COL5A2: variants seen among roughly 807,000 people sequenced by gnomAD.
COL5A2 encodes collagen type V alpha 2 chain, also known as collagen alpha-2(V) chain.
A neutral mutation model predicts 208.2 loss-of-function variants in COL5A2; 23 were observed. That is an observed-to-expected ratio of 0.11 (90% CI 0.08 to 0.16). The LOEUF (loss-of-function observed/expected upper bound fraction) is 0.16. Among genes scored for constraint, COL5A2 ranks in the 10% least tolerant of loss-of-function variants. COL5A2 has a pLI of 1.00. For synonymous variants in COL5A2, 625 were observed against 628.5 expected, an observed-to-expected ratio of 0.99 and a Z score of 0.08; for missense variants, 1,590 against 1,956.4, an observed-to-expected ratio of 0.81 and a Z score of 3.53.
At chr2:189,392,270 T>A in the COL5A2 span, among the ~76,000 whole-genome samples, 1 of 152,126 alleles carries the variant, frequency 6.6e-6, no homozygotes, top group East Asian at 1.9e-4. Flanking sequence ...ACAATGTTGT[T>A]AATAGATTTT....
At chr2:189,259,312 G>C in the COL5A2 span, among the ~76,000 whole-genome samples, 2 of 152,168 alleles carry the variant, frequency 1.3e-5, no homozygotes, top group Non-Finnish European at 2.9e-5. Context: ...CATTTATAGA[G>C]TCTTATAGTA....
the COL5A2 span, among the ~76,000 whole-genome samples, chr2:189,261,566 A>ATTC: frequency 1.3e-5 from 2 of 152,192 alleles, no homozygotes; most frequent in African/African-American, 4.8e-5. Context: ...TATGAATCAG[A>ATTC]TGTCTGTTAG....
At chr2:189,060,263 T>G (rs1685999104) in intron 31 of COL5A2, among the ~76,000 whole-genome samples, 1 of 152,134 alleles carries the variant, frequency 6.6e-6, no homozygotes, top group South Asian at 2.1e-4. Context: ...TACTATACTG[T>G]AAGGACAGCA....
intron 50 of COL5A2, among the ~76,000 whole-genome samples, chr2:189,041,031 T>A (rs987782359): frequency 2.0e-5 from 3 of 152,164 alleles, no homozygotes; most frequent in African/African-American, 4.8e-5. Context: ...AACACGCACA[T>A]GAGTACACCT....
At chr2:189,136,699 T>C (rs991279422) in intron 1 of COL5A2, among the ~76,000 whole-genome samples, 3 of 151,626 alleles carry the variant, frequency 2.0e-5, no homozygotes, top group Non-Finnish European at 4.4e-5. Flanking sequence ...TTTTTAATGT[T>C]ATATTTTATA....
chr2:189,257,653 T>C, the COL5A2 span, among the ~76,000 whole-genome samples: 1 of 152,132 alleles, frequency 6.6e-6, no homozygotes, highest in Non-Finnish European at 1.5e-5. Context: ...ATGGGCCAGA[T>C]CTTGGAAATA....
chr2:189,126,383 GTTT>G (rs1343352645), intron 1 of COL5A2, among the ~76,000 whole-genome samples: 1 of 151,808 alleles, frequency 6.6e-6, no homozygotes, highest in African/African-American at 2.4e-5. Flanking sequence ...AATATCTAGT[GTTT>G]ATTACCAAAA....
intron 16 of COL5A2, 23 bp from the exon 17 acceptor site, chr2:189,075,460 A>G (rs1686384063): frequency 1.9e-6 from 3 of 1,585,606 alleles, no homozygotes; most frequent in Non-Finnish European, 2.6e-6. Flanking sequence ...AAAAGAGACA[A>G]GACAGGATAA....
At chr2:189,378,702 C>A in the COL5A2 span, among the ~76,000 whole-genome samples, 1 of 141,978 alleles carries the variant, frequency 7.0e-6, no homozygotes, top group Admixed American at 7.4e-5. Flanking sequence ...CTAGCCTGGG[C>A]GACAGTGCGA....
the COL5A2 span, among the ~76,000 whole-genome samples, chr2:189,378,554 C>T: frequency 6.6e-6 from 1 of 152,030 alleles, no homozygotes. Flanking sequence ...GAAACCCCGT[C>T]TCTACTAAAA....
intron 2 of COL5A2, among the ~76,000 whole-genome samples, chr2:189,107,757 T>TA (rs1223142270): frequency 3.3e-5 from 5 of 151,634 alleles, no homozygotes; most frequent in African/African-American, 1.2e-4. Context: ...TAAAAAGATT[T>TA]ATATATTAGT....
chr2:189,204,059 G>A (rs1197578087), intron 1 of COL5A2, among the ~76,000 whole-genome samples: 1 of 151,954 alleles, frequency 6.6e-6, no homozygotes, highest in South Asian at 2.1e-4. Flanking sequence ...CACCACGCCC[G>A]GCTAATTTTT....
the COL5A2 span, among the ~76,000 whole-genome samples, chr2:189,255,878 T>C: frequency 6.6e-6 from 1 of 152,160 alleles, no homozygotes; most frequent in Non-Finnish European, 1.5e-5. Flanking sequence ...CATGAGCACC[T>C]TGAAAGATGA....
At chr2:189,049,542 C>T in intron 43 of COL5A2, 88 bp from the exon 44 acceptor site, 1 of 935,184 alleles carries the variant, frequency 1.1e-6, no homozygotes, top group East Asian at 2.6e-5. Flanking sequence ...AATGGTGCCT[C>T]TGGGCTCCTT....
intron 1 of COL5A2, among the ~76,000 whole-genome samples, chr2:189,135,522 C>T (rs1477888433): frequency 3.3e-5 from 5 of 152,114 alleles, no homozygotes; most frequent in East Asian, 1.9e-4. Flanking sequence ...AAACAGTGAA[C>T]TGAAGAACAA....
chr2:189,262,700 T>C, the COL5A2 span, among the ~76,000 whole-genome samples: 3,904 of 152,184 alleles, frequency 0.026, 175 homozygotes, highest in African/African-American at 0.09. Flanking sequence ...AACAATATAA[T>C]CTAATTAATC....
chr2:189,294,110 A>T, the COL5A2 span, among the ~76,000 whole-genome samples: 1 of 151,064 alleles, frequency 6.6e-6, no homozygotes, highest in Admixed American at 6.6e-5. Context: ...AAAAAAAAAA[A>T]GCAACCCAGG....
At chr2:189,412,549 T>C in the COL5A2 span, among the ~76,000 whole-genome samples, 2 of 152,234 alleles carry the variant, frequency 1.3e-5, no homozygotes, top group African/African-American at 4.8e-5. Context: ...GCTGCCACCA[T>C]GTGGTCTGTC....
chr2:189,279,234 G>A, the COL5A2 span, among the ~76,000 whole-genome samples: 5 of 151,654 alleles, frequency 3.3e-5, no homozygotes, highest in Non-Finnish European at 7.4e-5. Flanking sequence ...GAAAAGGGAA[G>A]GAATATATAC....
Sources: allele counts gnomAD v4.1 joint callset (sites outside exome capture counted in the v4.1 genomes callset), GRCh38; gene constraint gnomAD v4.1.1; transcripts MANE v1.5; gene names NCBI Gene and HGNC (gene_info 2026-07-23, HGNC 2026-07-21).